Variants in PGM5 observed in about 807,000 individuals in gnomAD.
PGM5 encodes the protein phosphoglucomutase-like protein 5.
Under a neutral mutation model 59.2 loss-of-function variants are expected in PGM5, and 23 were observed. That is an observed-to-expected ratio of 0.39 (90% CI 0.28 to 0.55). The LOEUF is 0.55. Ranked by LOEUF, PGM5 falls within the 20% of genes least tolerant of loss-of-function variation. The pLI, the probability that PGM5 is intolerant of heterozygous loss-of-function variation, is 0.66. For synonymous variants in PGM5, 214 were observed against 286.0 expected (o/e 0.75, Z 2.54); for missense variants, 574 against 748.3 (o/e 0.77, Z 2.72).
intron 6 of PGM5, among the ~76,000 whole-genome samples, chr9:68,419,294 C>A (rs77823625): frequency 0.022 from 3,376 of 152,150 alleles, 133 homozygotes; most frequent in African/African-American, 0.076. Context: ...AGACTGCTGG[C>A]AATTTTCAAT....
intron 10 of PGM5, among the ~76,000 whole-genome samples, chr9:68,508,539 G>A (rs1554689159): frequency 1.3e-5 from 2 of 152,132 alleles, no homozygotes; most frequent in African/African-American, 2.4e-5. Context: ...TTTGGTGCCA[G>A]TTTTACCATG....
chr9:68,447,858 G>T (rs1237434782), intron 6 of PGM5, among the ~76,000 whole-genome samples: 1 of 152,234 alleles, frequency 6.6e-6, no homozygotes, highest in African/African-American at 2.4e-5. Flanking sequence ...CCAGTTCATA[G>T]CTTTGGACAA....
intron 7 of PGM5, among the ~76,000 whole-genome samples, chr9:68,478,542 G>A (rs782678471): frequency 6.6e-6 from 1 of 152,180 alleles, no homozygotes; most frequent in Non-Finnish European, 1.5e-5. Context: ...TTATAGTTCT[G>A]GAGGCCAGAA....
chr9:68,432,128 C>A (rs999999504), intron 6 of PGM5, among the ~76,000 whole-genome samples: 51 of 152,146 alleles, frequency 3.4e-4, no homozygotes, highest in African/African-American at 1.2e-3. Context: ...TGGTATGTGA[C>A]TTTTCAGACA....
At chr9:68,518,128 GGTTA>G (rs1340740833) in intron 10 of PGM5, among the ~76,000 whole-genome samples, 3 of 152,166 alleles carry the variant, frequency 2.0e-5, no homozygotes, top group African/African-American at 4.8e-5. Flanking sequence ...AAAGAAATAT[GGTTA>G]GTTAAGTACA....
At chr9:68,413,944 G>C (rs1206723744) in intron 6 of PGM5, among the ~76,000 whole-genome samples, 1 of 152,196 alleles carries the variant, frequency 6.6e-6, no homozygotes, top group South Asian at 2.1e-4. Context: ...ATGATTCCCA[G>C]TATTGAAGGT....
intron 10 of PGM5, among the ~76,000 whole-genome samples, chr9:68,528,107 T>C (rs1045533000): frequency 2.0e-5 from 3 of 152,204 alleles, no homozygotes; most frequent in African/African-American, 7.2e-5. Flanking sequence ...ACTGAATTCC[T>C]CTCCCCCTCC....
intron 10 of PGM5, among the ~76,000 whole-genome samples, chr9:68,508,975 T>G (rs1824701704): frequency 1.3e-5 from 2 of 152,354 alleles, no homozygotes; most frequent in South Asian, 2.1e-4. Flanking sequence ...AGGTTGCCTG[T>G]GGCCTTCAGA....
intron 6 of PGM5, among the ~76,000 whole-genome samples, chr9:68,456,503 T>C (rs1362251333): frequency 6.7e-6 from 1 of 148,548 alleles, no homozygotes; most frequent in African/African-American, 2.5e-5. Context: ...GTATTTTTAG[T>C]AGAGATGGGG....
At chr9:68,436,517 G>A (rs1823444324) in intron 6 of PGM5, among the ~76,000 whole-genome samples, 1 of 152,168 alleles carries the variant, frequency 6.6e-6, no homozygotes, top group East Asian at 1.9e-4. Context: ...ACAAGCCAAT[G>A]ACAAACTGTA....
intron 6 of PGM5, chr9:68,400,561 C>T (rs1587793739): frequency 1.3e-5 from 2 of 152,632 alleles, no homozygotes; most frequent in East Asian, 1.9e-4. Flanking sequence ...CTACTATGAG[C>T]TATCAACATG....
intron 6 of PGM5, among the ~76,000 whole-genome samples, chr9:68,458,476 A>G (rs1344470434): frequency 1.3e-5 from 2 of 152,196 alleles, no homozygotes; most frequent in Admixed American, 1.3e-4. Flanking sequence ...TTTTCTTTTA[A>G]ATATTCTTTA....
rs576285651 is a variant in PGM5 at position 68,364,293 on chromosome 9, C to T, written c.261+6905C>T. 3.0e-3 allele frequency among the ~76,000 whole-genome samples: 453 copies of T among 152,214 alleles called. 4 individuals are homozygous for T. Among genetic ancestry groups the T allele is most frequent in the African/African-American group, 0.01 (429 of 41,538 alleles). The stretch of plus-strand genomic sequence containing the variant: ...CCAGTTGGCCATGAAAAGCTGGTTG[C>T]TCTAAAGAATGAGAATATACTTGGT... On this transcript the variant is annotated intron_variant, in intron 1 of 10. Coordinates refer to ENST00000396396, the MANE Select transcript of PGM5 (RefSeq NM_021965.4).
chr9:68,524,717 A>G (rs563996336), intron 10 of PGM5, among the ~76,000 whole-genome samples: 1 of 152,220 alleles, frequency 6.6e-6, no homozygotes, highest in South Asian at 2.1e-4. Context: ...TAGGGTTGCA[A>G]TCCCATGATT....
At chr9:68,473,588 G>A (rs535547928) in intron 7 of PGM5, among the ~76,000 whole-genome samples, 11 of 152,286 alleles carry the variant, frequency 7.2e-5, no homozygotes, top group South Asian at 6.2e-4. Context: ...ATCCCCTAGC[G>A]CAGTGCCTGG....
intron 6 of PGM5, among the ~76,000 whole-genome samples, chr9:68,421,175 C>G (rs1326461505): frequency 1.3e-5 from 2 of 152,196 alleles, no homozygotes; most frequent in African/African-American, 4.8e-5. Context: ...TTGCACTCTG[C>G]CCCGTTCACT....
chr9:68,423,213 G>A (rs1276534664), intron 6 of PGM5, among the ~76,000 whole-genome samples: 1 of 151,818 alleles, frequency 6.6e-6, no homozygotes, highest in Non-Finnish European at 1.5e-5. Context: ...TTCGTATAAT[G>A]ACTTCTTTTC....
intron 6 of PGM5, among the ~76,000 whole-genome samples, chr9:68,427,535 G>A (rs1464164587): frequency 3.3e-5 from 5 of 152,202 alleles, no homozygotes; most frequent in Non-Finnish European, 5.9e-5. Flanking sequence ...GGGCATGAAT[G>A]CTGGGGAGGG....
At chr9:68,410,033 T>C (rs1286997556) in intron 6 of PGM5, among the ~76,000 whole-genome samples, 1 of 152,160 alleles carries the variant, frequency 6.6e-6, no homozygotes, top group African/African-American at 2.4e-5. Flanking sequence ...AGGGGCCACA[T>C]TGCGTCTAGC....
Sources: allele counts gnomAD v4.1 joint callset (sites outside exome capture counted in the v4.1 genomes callset), GRCh38; gene constraint gnomAD v4.1.1; transcripts MANE v1.5; gene names NCBI Gene and HGNC (gene_info 2026-07-23, HGNC 2026-07-21).